Variants in EIF3CL observed in about 807,000 individuals in gnomAD.
The protein encoded by EIF3CL is eukaryotic translation initiation factor 3 subunit C like, also known as eukaryotic translation initiation factor 3 subunit C-like protein.
For synonymous variants in EIF3CL, 2 were observed against 19.6 expected, an observed-to-expected ratio of 0.10 and a Z score of 2.37; for missense variants, 5 against 56.1, an observed-to-expected ratio of 0.09 and a Z score of 2.91.
chr16:28,416,890 G>C, the EIF3CL span, among the ~76,000 whole-genome samples: 1 of 94,560 alleles, frequency 1.1e-5, no homozygotes, highest in Non-Finnish European at 2.3e-5. Flanking sequence ...AGGTGGGGGG[G>C]GTCAGCCCCC....
chr16:28,403,081 C>T (rs2045666780), intron 2 of EIF3CL, among the ~76,000 whole-genome samples: 1 of 145,032 alleles, frequency 6.9e-6, no homozygotes, highest in Admixed American at 6.9e-5. Flanking sequence ...GGTGAACAGG[C>T]ATATAAAATG....
At chr16:28,421,726 C>A in the EIF3CL span, among the ~76,000 whole-genome samples, 1 of 84,754 alleles carries the variant, frequency 1.2e-5, no homozygotes, top group Non-Finnish European at 2.4e-5. Flanking sequence ...TGCTCAGTAT[C>A]ATTTGAACCT....
At chr16:28,408,403 G>A (rs62032598), upstream of EIF3CL, among the ~76,000 whole-genome samples, 35 of 12,382 alleles carry the variant, frequency 2.8e-3, no homozygotes, top group African/African-American at 9.0e-3. Flanking sequence ...CGACACCCTG[G>A]AAGAGCTTTG....
intron 2 of EIF3CL, among the ~76,000 whole-genome samples, chr16:28,402,318 T>C (rs2045660510): frequency 1.4e-5 from 2 of 141,998 alleles, no homozygotes; most frequent in Non-Finnish European, 3.0e-5. Flanking sequence ...AGGTGGAGTT[T>C]TGCTTTTATC....
the EIF3CL span, among the ~76,000 whole-genome samples, chr16:28,423,936 C>T: frequency 8.8e-6 from 1 of 113,276 alleles, no homozygotes; most frequent in South Asian, 2.8e-4. Context: ...ATTCTCCTGC[C>T]TCAGCCTCCC....
the EIF3CL span, among the ~76,000 whole-genome samples, chr16:28,413,094 CAGG>C: frequency 1.1e-5 from 1 of 90,532 alleles, no homozygotes; most frequent in African/African-American, 4.3e-5. Flanking sequence ...ATGCATTTGG[CAGG>C]AGAACACAAA....
chr16:28,424,046 G>T, the EIF3CL span, among the ~76,000 whole-genome samples: 9 of 148,036 alleles, frequency 6.1e-5, no homozygotes, highest in Non-Finnish European at 1.2e-4. Context: ...GGAGTGCAGT[G>T]GTGTGATCTC....
chr16:28,416,765 AG>A, the EIF3CL span, among the ~76,000 whole-genome samples: 1 of 105,882 alleles, frequency 9.4e-6, no homozygotes, highest in Non-Finnish European at 2.0e-5. Context: ...GGGGGGGGTC[AG>A]CCCCCCCACC....
At chr16:28,415,393 C>T in the EIF3CL span, among the ~76,000 whole-genome samples, 5 of 124,744 alleles carry the variant, frequency 4.0e-5, 1 homozygote, top group East Asian at 1.0e-3. Context: ...TGTTCATCTG[C>T]TGTCTGTGTC....
At chr16:28,414,802 T>TC in the EIF3CL span, 2 of 466,904 alleles carry the variant, frequency 4.3e-6, no homozygotes, top group Non-Finnish European at 8.7e-6. Flanking sequence ...GGTGACGAGT[T>TC]CCCCCTGAGG....
chr16:28,419,089 C>T, the EIF3CL span, among the ~76,000 whole-genome samples: 1 of 141,460 alleles, frequency 7.1e-6, no homozygotes, highest in Non-Finnish European at 1.6e-5. Flanking sequence ...TCACTGCAAC[C>T]TCTACCTCCT....
the EIF3CL span, chr16:28,414,823 G>C: frequency 2.1e-6 from 1 of 478,572 alleles, no homozygotes; most frequent in Non-Finnish European, 4.2e-6. Flanking sequence ...AACTCCAAAA[G>C]GGCTTCAATG....
At chr16:28,421,941 G>GT in the EIF3CL span, among the ~76,000 whole-genome samples, 16 of 71,640 alleles carry the variant, frequency 2.2e-4, no homozygotes, top group South Asian at 5.2e-4. Context: ...AAATGCTACT[G>GT]GAACTGCAGT....
Position 28,388,220 on chromosome 16 carries a change from GCA to G in EIF3CL, c.1657_1658del (p.Cys553GlnfsTer150). On this transcript the variant is annotated frameshift_variant, in exon 15 of 21. Transcript: ENST00000380876. LOFTEE classifies it high-confidence loss of function. Reference protein sequence around the residue: ...EDSAVLMERLCKYIYAKDRTD... With the variant: ...EDSAVLMERLXKYIYAKDRTD... ...TGCGGTCCTTGGCGTAGATGTACTTGCACAGTCTCTCCATCAACACAGCCGAG... is the reference window on the plus strand; with the variant it reads ...TGCGGTCCTTGGCGTAGATGTACTTGCAGTCTCTCCATCAACACAGCCGAG... 1 of 89,262 alleles carries G rather than the reference GCA, an allele frequency of 1.1e-5. No individual in the cohort carries two copies. Among genetic ancestry groups the G allele is most frequent in the Non-Finnish European group, 1.8e-5 (1 of 56,294 alleles). The allele number at this position is 89,262 out of a possible 1,614,324, so 5.5% of individuals were successfully genotyped here. A position where few individuals can be genotyped will look rare whatever the true frequency, so the allele number is the denominator to read the frequency against.
At chr16:28,418,709 A>T in the EIF3CL span, among the ~76,000 whole-genome samples, 30 of 151,908 alleles carry the variant, frequency 2.0e-4, no homozygotes, top group East Asian at 5.7e-3. Flanking sequence ...AGCTCACTGA[A>T]GCCTCTGCCT....
the EIF3CL span, among the ~76,000 whole-genome samples, chr16:28,422,572 C>A: frequency 5.7e-5 from 8 of 140,748 alleles, no homozygotes; most frequent in East Asian, 1.4e-3. Flanking sequence ...GTGGCTCAAG[C>A]CTGTAATACC....
In EIF3CL at chr16:28,391,908, CT is replaced by C; in HGVS notation, c.940-54del. On this transcript the variant is annotated intron_variant, in intron 9 of 20. Coordinates refer to ENST00000380876, the MANE Select transcript of EIF3CL (RefSeq NM_001317857.2). ...CATGCCAGCGGGAAACTGTCCTTGCCTTTTCCCCACAAGGGGACCTTTATGT... is the reference window on the plus strand; with the variant it reads ...CATGCCAGCGGGAAACTGTCCTTGCCTTTCCCCACAAGGGGACCTTTATGT... The C allele has an allele frequency of 4.5e-6, 6 of 1,348,112 alleles. 1 individual carries two copies. Among genetic ancestry groups the C allele is most frequent in the Non-Finnish European group, 6.1e-6 (6 of 981,944 alleles). 83.5% of individuals were successfully genotyped at this position (1,348,112 alleles called of 1,614,324 possible).
At chr16:28,423,806 TAA>T in the EIF3CL span, among the ~76,000 whole-genome samples, 1 of 102,772 alleles carries the variant, frequency 9.7e-6, no homozygotes, top group African/African-American at 3.2e-5. Context: ...TATATATATA[TAA>T]TATATATATT....
chr16:28,416,677 C>T, the EIF3CL span, among the ~76,000 whole-genome samples: 16 of 110,088 alleles, frequency 1.5e-4, no homozygotes, highest in Admixed American at 3.0e-4. Context: ...AAGTGAGGAG[C>T]GTCTCCGCCC....
Sources: allele counts gnomAD v4.1 joint callset (sites outside exome capture counted in the v4.1 genomes callset), GRCh38; gene constraint gnomAD v4.1.1; transcripts MANE v1.5; gene names NCBI Gene and HGNC (gene_info 2026-07-23, HGNC 2026-07-21).